The following TANC2 variants were observed in gnomAD, a reference collection of about 807,000 sequenced individuals.
The protein encoded by TANC2 is protein TANC2.
TANC2 carries 26 observed loss-of-function variants against 210.5 expected under a neutral mutation model. The observed-to-expected ratio is 0.12, with a 90% CI of 0.09 to 0.17. The LOEUF is 0.17. Among genes scored for constraint, TANC2 ranks in the 10% least tolerant of loss-of-function variants. The probability of loss-of-function intolerance (pLI) is 1.00; values close to 1 mark genes in which losing one functional copy is unlikely to be tolerated. For missense variants in TANC2, 2,129 were observed against 2,608.9 expected, an observed-to-expected ratio of 0.82 and a Z score of 4.01; for synonymous variants, 931 against 967.1, an observed-to-expected ratio of 0.96 and a Z score of 0.69.
intron 2 of TANC2, among the ~76,000 whole-genome samples, chr17:63,062,714 T>C (rs2036039775): frequency 1.3e-5 from 2 of 152,184 alleles, no homozygotes; most frequent in South Asian, 4.1e-4. Context: ...AGCTGTTTTG[T>C]TTGTTCTTAG....
intron 2 of TANC2, among the ~76,000 whole-genome samples, chr17:63,040,853 A>G (rs1453136005): frequency 6.6e-6 from 1 of 152,202 alleles, no homozygotes; most frequent in Non-Finnish European, 1.5e-5. Context: ...GGAGTATGAC[A>G]TTCAGAGTTC....
rs181989274 is a variant in TANC2, at chr17:63,044,282, A to G, written c.68-29661A>G. Among the ~76,000 whole-genome samples, 265 of 152,274 alleles carry G rather than the reference A, an allele frequency of 1.7e-3. 1 individual carries two copies. The highest frequency in any genetic ancestry group is 6.1e-3 in the African/African-American group (255 of 41,580). On this transcript the variant is annotated intron_variant, in intron 2 of 27. Transcript: ENST00000689528. ...AATGTTTGAATCTCCTTTATCAGAG[A>G]TGAAGATTATCAGTATAAATGTATC... is the stretch of plus-strand genomic sequence containing the variant.
chr17:63,217,542 C>G (rs1359048300), intron 7 of TANC2, among the ~76,000 whole-genome samples: 1 of 152,128 alleles, frequency 6.6e-6, no homozygotes, highest in Non-Finnish European at 1.5e-5. Context: ...AATAAACTAT[C>G]AGAGCTTACT....
At chr17:63,321,602 C>A (rs542813508) in intron 11 of TANC2, among the ~76,000 whole-genome samples, 1 of 152,170 alleles carries the variant, frequency 6.6e-6, no homozygotes, top group Non-Finnish European at 1.5e-5. Flanking sequence ...GCAAAGAATC[C>A]TCCAGTCTTC....
At chr17:63,020,997 G>A (rs2034323213) in intron 2 of TANC2, among the ~76,000 whole-genome samples, 1 of 152,090 alleles carries the variant, frequency 6.6e-6, no homozygotes, top group Admixed American at 6.5e-5. Flanking sequence ...TTACCATGGG[G>A]AGGGCACCAA....
chr17:63,200,631 A>G, intron 6 of TANC2, 140 bp from the exon 7 acceptor site: 1 of 703,252 alleles, frequency 1.4e-6, no homozygotes, highest in East Asian at 2.7e-5. Context: ...CTTATCCGAG[A>G]AAGCAAAAAC....
chr17:63,340,863 G>A (rs953948781), intron 12 of TANC2, among the ~76,000 whole-genome samples: 3 of 152,090 alleles, frequency 2.0e-5, no homozygotes, highest in African/African-American at 4.8e-5. Flanking sequence ...TTGTATTATA[G>A]GAGAGCTGTT....
intron 3 of TANC2, among the ~76,000 whole-genome samples, chr17:63,094,536 A>C (rs1193821033): frequency 6.6e-6 from 1 of 152,126 alleles, no homozygotes; most frequent in East Asian, 1.9e-4. Flanking sequence ...ATTATGCTAG[A>C]GGTTTTTGAT....
At chr17:63,151,807 G>A (rs1024329062) in intron 5 of TANC2, 3 of 151,968 alleles carry the variant, frequency 2.0e-5, no homozygotes, top group Non-Finnish European at 2.9e-5. Flanking sequence ...AATTCCTGTT[G>A]GATTTCTGGT....
At chr17:62,978,259 G>C (rs1421162973) in intron 1 of TANC2, among the ~76,000 whole-genome samples, 1 of 152,146 alleles carries the variant, frequency 6.6e-6, no homozygotes, top group African/African-American at 2.4e-5. Context: ...AGGAAGGCAA[G>C]GGCATTAAAA....
chr17:63,345,094 A>G (rs2046357164), intron 12 of TANC2, among the ~76,000 whole-genome samples: 1 of 152,196 alleles, frequency 6.6e-6, no homozygotes, highest in African/African-American at 2.4e-5. Flanking sequence ...CCAGACATTC[A>G]GGTAACCCCT....
intron 5 of TANC2, among the ~76,000 whole-genome samples, chr17:63,158,494 G>A (rs960398163): frequency 4.6e-5 from 7 of 152,238 alleles, no homozygotes; most frequent in African/African-American, 1.7e-4. Context: ...CTTCACTTGG[G>A]TTTTGACACG....
chr17:63,284,178 G>C (rs72845240), intron 9 of TANC2, among the ~76,000 whole-genome samples: 2,712 of 151,666 alleles, frequency 0.018, 45 homozygotes, highest in Non-Finnish European at 0.029. Flanking sequence ...ATTTATATTG[G>C]ATTTTGTCAG....
At chr17:63,404,507 C>A (rs1207093644) in intron 19 of TANC2, among the ~76,000 whole-genome samples, 1 of 152,204 alleles carries the variant, frequency 6.6e-6, no homozygotes, top group Admixed American at 6.5e-5. Flanking sequence ...CATACCTCTT[C>A]TCTCATCTTT....
intron 14 of TANC2, among the ~76,000 whole-genome samples, chr17:63,374,812 A>C (rs959019703): frequency 3.3e-5 from 5 of 152,234 alleles, no homozygotes; most frequent in Non-Finnish European, 7.3e-5. Flanking sequence ...TTTATATCAG[A>C]GGGAAAATAA....
At chr17:63,401,885 A>C (rs1178517831) in intron 19 of TANC2, among the ~76,000 whole-genome samples, 1 of 152,186 alleles carries the variant, frequency 6.6e-6, no homozygotes, top group Non-Finnish European at 1.5e-5. Flanking sequence ...AGATTCCTTT[A>C]ATTCCTGCCC....
chr17:63,333,177 A>G (rs946112856), intron 11 of TANC2, among the ~76,000 whole-genome samples: 2 of 152,202 alleles, frequency 1.3e-5, no homozygotes, highest in Non-Finnish European at 2.9e-5. Context: ...CCCATAGATA[A>G]TGATTGTTCT....
chr17:63,317,317 C>A (rs372577056), intron 10 of TANC2, among the ~76,000 whole-genome samples: 2 of 149,326 alleles, frequency 1.3e-5, no homozygotes, highest in African/African-American at 5.0e-5. Flanking sequence ...AGCCCGCCCC[C>A]CTCCTTGTCA....
chr17:63,129,028 G>GT (rs972886226), intron 4 of TANC2, among the ~76,000 whole-genome samples: 7 of 151,894 alleles, frequency 4.6e-5, no homozygotes, highest in South Asian at 2.1e-4. Flanking sequence ...TTTTTTGTTT[G>GT]TTTTTTTGAG....
Sources: allele counts gnomAD v4.1 joint callset (sites outside exome capture counted in the v4.1 genomes callset), GRCh38; gene constraint gnomAD v4.1.1; transcripts MANE v1.5; gene names NCBI Gene and HGNC (gene_info 2026-07-23, HGNC 2026-07-21).